The following REDIC1 variants were observed in gnomAD, a reference collection of about 807,000 sequenced individuals.
The protein encoded by REDIC1 is regulator of DNA class I crossover intermediates 1, also known as HEI10 Interacting Protein 1.
chr12:39,711,743 G>C, the REDIC1 span, among the ~76,000 whole-genome samples: 67 of 127,276 alleles, frequency 5.3e-4, 2 homozygotes, highest in African/African-American at 1.8e-3. Context: ...GTGTATGTGT[G>C]TATACACATG....
chr12:39,669,314 TC>T, the REDIC1 span, among the ~76,000 whole-genome samples: 1 of 152,150 alleles, frequency 6.6e-6, no homozygotes, highest in African/African-American at 2.4e-5. Flanking sequence ...ATGCTGGAGG[TC>T]CACTCCAGAC....
chr12:39,838,572 A>G, the REDIC1 span, among the ~76,000 whole-genome samples: 1 of 151,844 alleles, frequency 6.6e-6, no homozygotes, highest in Non-Finnish European at 1.5e-5. Context: ...AAGTATTCAT[A>G]TATTTAGAAC....
the REDIC1 span, among the ~76,000 whole-genome samples, chr12:39,883,729 C>A: frequency 6.6e-6 from 1 of 152,110 alleles, no homozygotes. Flanking sequence ...ATAAAAGCAA[C>A]ATTTTAGAGC....
chr12:39,651,613 C>T, the REDIC1 span, among the ~76,000 whole-genome samples: 1 of 152,148 alleles, frequency 6.6e-6, no homozygotes, highest in Non-Finnish European at 1.5e-5. Flanking sequence ...TTAAAATTAT[C>T]TACTTACATT....
the REDIC1 span, among the ~76,000 whole-genome samples, chr12:39,630,494 G>C: frequency 6.6e-6 from 1 of 152,218 alleles, no homozygotes; most frequent in Non-Finnish European, 1.5e-5. Flanking sequence ...TGAGTGCTAT[G>C]TACCAAGCAC....
the REDIC1 span, among the ~76,000 whole-genome samples, chr12:39,804,265 G>C: frequency 6.6e-6 from 1 of 152,094 alleles, no homozygotes; most frequent in African/African-American, 2.4e-5. Flanking sequence ...CAAATTTGAA[G>C]GCAAAAGTAG....
chr12:39,772,872 TCA>T, the REDIC1 span, among the ~76,000 whole-genome samples: 1 of 8,080 alleles, frequency 1.2e-4, no homozygotes, highest in Non-Finnish European at 5.5e-4. Context: ...AAGTAGCTCC[TCA>T]TCATCCTCAT....
chr12:39,755,853 G>A, the REDIC1 span: 1 of 151,790 alleles, frequency 6.6e-6, no homozygotes, highest in Non-Finnish European at 1.5e-5. Context: ...CAAATTATAC[G>A]GATAAAATAC....
At chr12:39,899,002 A>G in the REDIC1 span, among the ~76,000 whole-genome samples, 1 of 152,090 alleles carries the variant, frequency 6.6e-6, no homozygotes, top group Non-Finnish European at 1.5e-5. Context: ...TCATAAAATG[A>G]GTTAGGGAGG....
chr12:39,759,958 G>A, the REDIC1 span: 1 of 1,188,182 alleles, frequency 8.4e-7, no homozygotes, highest in East Asian at 2.4e-5. Context: ...GCAGGGCAGT[G>A]AAGTCACCAA....
chr12:39,839,866 C>G, the REDIC1 span, among the ~76,000 whole-genome samples: 6 of 152,206 alleles, frequency 3.9e-5, no homozygotes, highest in Admixed American at 6.5e-5. Context: ...AACTCAACAA[C>G]CTAAAGCTCA....
chr12:39,831,198 A>C, the REDIC1 span, among the ~76,000 whole-genome samples: 1 of 152,176 alleles, frequency 6.6e-6, no homozygotes, highest in Non-Finnish European at 1.5e-5. Context: ...GAACAACGAC[A>C]ATGTAATGGA....
the REDIC1 span, among the ~76,000 whole-genome samples, chr12:39,783,834 G>C: frequency 1.3e-5 from 2 of 152,062 alleles, no homozygotes; most frequent in Non-Finnish European, 2.9e-5. Context: ...CCCCATCGTC[G>C]CAGCCTAAAA....
At chr12:39,820,717 T>A in the REDIC1 span, among the ~76,000 whole-genome samples, 9 of 132,722 alleles carry the variant, frequency 6.8e-5, no homozygotes, top group African/African-American at 1.3e-4. Context: ...ATTTTTAAAT[T>A]TATATATATA....
the REDIC1 span, among the ~76,000 whole-genome samples, chr12:39,729,603 T>C: frequency 6.6e-6 from 1 of 152,186 alleles, no homozygotes; most frequent in East Asian, 1.9e-4. Flanking sequence ...TTAGAATAAG[T>C]GTGATGTGGT....
At chr12:39,800,826 G>C in the REDIC1 span, among the ~76,000 whole-genome samples, 5 of 2,888 alleles carry the variant, frequency 1.7e-3, no homozygotes, top group Admixed American at 7.2e-3. Context: ...ATTCACAATA[G>C]CAAAGACTTG....
At chr12:39,640,860 A>G in the REDIC1 span, 2 of 821,080 alleles carry the variant, frequency 2.4e-6, no homozygotes, top group Non-Finnish European at 3.9e-6. Context: ...ACACTTTTAG[A>G]TTTTAACTCT....
chr12:39,858,494 CATA>C, the REDIC1 span, among the ~76,000 whole-genome samples: 1 of 152,116 alleles, frequency 6.6e-6, no homozygotes, highest in Non-Finnish European at 1.5e-5. Context: ...CAATTCACAG[CATA>C]ATATTATATT....
the REDIC1 span, among the ~76,000 whole-genome samples, chr12:39,874,204 G>A: frequency 6.6e-6 from 1 of 152,214 alleles, no homozygotes; most frequent in Non-Finnish European, 1.5e-5. Flanking sequence ...CAGCAGGTCT[G>A]ACGATCTGGG....
Sources: gnomAD v4.1 joint callset for allele counts (sites outside exome capture counted in the v4.1 genomes callset) on GRCh38, gnomAD v4.1.1 for gene constraint, MANE v1.5 for transcripts, NCBI Gene and HGNC (gene_info 2026-07-23, HGNC 2026-07-21) for gene names.